Variants in ABTB3 observed in about 807,000 individuals in gnomAD.
ABTB3 encodes the protein ankyrin repeat- and BTB/POZ domain-containing protein 3.
the ABTB3 span, among the ~76,000 whole-genome samples, chr12:107,358,680 C>T: frequency 1.1e-4 from 17 of 152,234 alleles, no homozygotes; most frequent in Non-Finnish European, 1.9e-4. Flanking sequence ...CCACAACCTC[C>T]GCCTCCCAGG....
chr12:107,605,549 A>G, the ABTB3 span, among the ~76,000 whole-genome samples: 79 of 152,302 alleles, frequency 5.2e-4, 1 homozygote, highest in African/African-American at 1.9e-3. Context: ...TGCAGAGTGA[A>G]GGAGGGAGAG....
chr12:107,476,167 G>A, the ABTB3 span, among the ~76,000 whole-genome samples: 8 of 152,108 alleles, frequency 5.3e-5, no homozygotes, highest in African/African-American at 1.2e-4. Flanking sequence ...CCTGGCCCCC[G>A]GCTACCTAGG....
chr12:107,336,226 G>A, the ABTB3 span, among the ~76,000 whole-genome samples: 1 of 152,234 alleles, frequency 6.6e-6, no homozygotes, highest in African/African-American at 2.4e-5. Flanking sequence ...GCTCTCAAAG[G>A]TCTGAGGTTG....
chr12:107,580,862 A>T, the ABTB3 span: 7 of 1,547,830 alleles, frequency 4.5e-6, no homozygotes, highest in Non-Finnish European at 6.1e-6. Context: ...TTCCCAGATC[A>T]GTTACCTCCT....
the ABTB3 span, among the ~76,000 whole-genome samples, chr12:107,470,443 G>A: frequency 6.6e-6 from 1 of 152,060 alleles, no homozygotes; most frequent in East Asian, 1.9e-4. Context: ...GGGTCCCAGG[G>A]AACATTGAGA....
the ABTB3 span, among the ~76,000 whole-genome samples, chr12:107,611,606 C>T: frequency 5.3e-5 from 8 of 152,276 alleles, no homozygotes; most frequent in East Asian, 5.8e-4. Flanking sequence ...CTAAGCTAAA[C>T]GTATTTACAC....
the ABTB3 span, among the ~76,000 whole-genome samples, chr12:107,371,884 A>G: frequency 2.6e-5 from 4 of 152,160 alleles, no homozygotes; most frequent in African/African-American, 9.7e-5. Context: ...ATGGGACTTC[A>G]GGATCCTTCT....
chr12:107,503,492 C>T, the ABTB3 span, among the ~76,000 whole-genome samples: 3 of 151,978 alleles, frequency 2.0e-5, no homozygotes, highest in South Asian at 2.1e-4. Flanking sequence ...TAAGGCCAGT[C>T]GAGGTGGCTC....
chr12:107,581,178 T>C, the ABTB3 span: 1 of 1,523,672 alleles, frequency 6.6e-7, no homozygotes. Flanking sequence ...CCGCCGCTGA[T>C]GGAGTGGATC....
chr12:107,363,533 G>A, the ABTB3 span, among the ~76,000 whole-genome samples: 6,145 of 152,134 alleles, frequency 0.04, 177 homozygotes, highest in Middle Eastern at 0.068. Context: ...TGCCCTTTAG[G>A]GTGTAAACTA....
the ABTB3 span, among the ~76,000 whole-genome samples, chr12:107,626,343 C>CTTTTTTTTTTTTTTTTTTTTTTTTT: frequency 2.3e-4 from 26 of 112,510 alleles, 1 homozygote; most frequent in African/African-American, 8.5e-4. Flanking sequence ...CTATCGTCAT[C>CTTTTTTTTTTTTTTTTTTTTTTTTT]TTTTTTTTTT....
the ABTB3 span, among the ~76,000 whole-genome samples, chr12:107,558,620 C>G: frequency 1.3e-5 from 2 of 152,112 alleles, no homozygotes; most frequent in Non-Finnish European, 2.9e-5. Flanking sequence ...AGCTGCATCC[C>G]CACCTCTCCC....
chr12:107,576,581 C>T, the ABTB3 span, among the ~76,000 whole-genome samples: 4 of 152,204 alleles, frequency 2.6e-5, no homozygotes, highest in African/African-American at 7.2e-5. Context: ...AAGGCTCTCT[C>T]TCCAAATACA....
the ABTB3 span, among the ~76,000 whole-genome samples, chr12:107,513,691 A>G: frequency 1.3e-5 from 2 of 152,230 alleles, no homozygotes; most frequent in Admixed American, 6.5e-5. Flanking sequence ...ATAAAAAAAC[A>G]TAGACACAGA....
At chr12:107,402,176 A>AT in the ABTB3 span, among the ~76,000 whole-genome samples, 25 of 152,166 alleles carry the variant, frequency 1.6e-4, no homozygotes, top group African/African-American at 5.8e-4. Context: ...TACCAACCCT[A>AT]TTTTACAGAT....
the ABTB3 span, among the ~76,000 whole-genome samples, chr12:107,633,583 G>A: frequency 1.3e-5 from 2 of 152,202 alleles, no homozygotes; most frequent in African/African-American, 4.8e-5. Context: ...GTCACCTGCA[G>A]AGTGTGTTAA....
the ABTB3 span, among the ~76,000 whole-genome samples, chr12:107,469,849 T>G: frequency 2.1e-5 from 3 of 145,954 alleles, 1 homozygote; most frequent in African/African-American, 5.2e-5. Context: ...TTCTCTCTCT[T>G]TCTCTTTCTT....
At chr12:107,647,939 T>A in the ABTB3 span, among the ~76,000 whole-genome samples, 1 of 152,188 alleles carries the variant, frequency 6.6e-6, no homozygotes, top group Admixed American at 6.5e-5. Flanking sequence ...GGTCACAGAC[T>A]GAAGGGACTG....
the ABTB3 span, chr12:107,520,446 A>C: frequency 2.1e-5 from 34 of 1,597,802 alleles, no homozygotes; most frequent in African/African-American, 4.2e-4. Context: ...AAAAATAACA[A>C]TCTGTTTTCC....
Sources: gnomAD v4.1 joint callset for allele counts (sites outside exome capture counted in the v4.1 genomes callset) on GRCh38, gnomAD v4.1.1 for gene constraint, MANE v1.5 for transcripts, NCBI Gene and HGNC (gene_info 2026-07-23, HGNC 2026-07-21) for gene names.